KHDRBS2: variants seen among roughly 807,000 people sequenced by gnomAD.
KHDRBS2 encodes KH RNA binding domain containing, signal transduction associated 2.
A neutral mutation model predicts 44.3 loss-of-function variants in KHDRBS2; 26 were observed. The ratio of observed to expected loss-of-function variants is 0.59; its 90% confidence interval spans 0.43 to 0.81. The LOEUF is 0.81. KHDRBS2 is among the 40% of genes least tolerant of loss of function. KHDRBS2 has a pLI of 0.00. For missense variants in KHDRBS2, 476 were observed against 433.1 expected (o/e 1.10, Z -0.88); for synonymous variants, 194 against 151.1 (o/e 1.28, Z -2.08).
At chr6:61,694,191 C>T (rs1204116) in intron 8 of KHDRBS2, among the ~76,000 whole-genome samples, 1 of 152,000 alleles carries the variant, frequency 6.6e-6, no homozygotes, top group South Asian at 2.1e-4. Flanking sequence ...CTCATCAGAA[C>T]ATAAGCTTCA....
intron 6 of KHDRBS2, among the ~76,000 whole-genome samples, chr6:61,745,954 A>C (rs1383684530): frequency 2.6e-5 from 4 of 152,246 alleles, no homozygotes; most frequent in African/African-American, 9.6e-5. Flanking sequence ...CGTGTCTTAC[A>C]TTTCTTTAGA....
At chr6:62,133,705 A>G (rs209006) in intron 2 of KHDRBS2, among the ~76,000 whole-genome samples, 122,297 of 152,136 alleles carry the variant, frequency 0.8, 49,710 homozygotes, top group African/African-American at 0.92. Flanking sequence ...AAATGGCTTT[A>G]ACCAAAATGT....
At chr6:62,099,196 G>A (rs938943651) in intron 2 of KHDRBS2, among the ~76,000 whole-genome samples, 2 of 152,068 alleles carry the variant, frequency 1.3e-5, no homozygotes, top group African/African-American at 4.8e-5. Context: ...TGTTCTTAAT[G>A]CTTATGAGTA....
intron 6 of KHDRBS2, among the ~76,000 whole-genome samples, chr6:61,787,152 G>T (rs1022816990): frequency 7.0e-6 from 1 of 142,686 alleles, no homozygotes; most frequent in Non-Finnish European, 1.5e-5. Flanking sequence ...AATGTCCAAT[G>T]ATTTATTTTA....
chr6:62,097,139 T>G (rs1562849022), intron 2 of KHDRBS2, among the ~76,000 whole-genome samples: 2 of 151,902 alleles, frequency 1.3e-5, no homozygotes, highest in Non-Finnish European at 2.9e-5. Context: ...ACTTACTTTA[T>G]GGTTTTCCAT....
At chr6:61,574,341 G>A in the KHDRBS2 span, 2 of 1,528,728 alleles carry the variant, frequency 1.3e-6, no homozygotes, top group East Asian at 2.5e-5. Flanking sequence ...GCTCGACGAG[G>A]TTTCAGCTGT....
chr6:61,562,025 A>G, the KHDRBS2 span, among the ~76,000 whole-genome samples: 1 of 152,208 alleles, frequency 6.6e-6, no homozygotes, highest in African/African-American at 2.4e-5. Flanking sequence ...TGGCCAAATG[A>G]CCATGTTTAA....
At chr6:62,060,373 C>A (rs1371261808) in intron 2 of KHDRBS2, among the ~76,000 whole-genome samples, 2 of 151,528 alleles carry the variant, frequency 1.3e-5, no homozygotes, top group Admixed American at 6.6e-5. Flanking sequence ...ACTCTGACTG[C>A]AGTTTGAGGA....
the KHDRBS2 span, among the ~76,000 whole-genome samples, chr6:61,598,403 A>C: frequency 2.6e-5 from 4 of 152,204 alleles, no homozygotes; most frequent in African/African-American, 9.6e-5. Context: ...GGAAAGTTTT[A>C]TTAGCCAAAT....
chr6:62,280,315 C>T (rs759028572), intron 1 of KHDRBS2, among the ~76,000 whole-genome samples: 14 of 152,014 alleles, frequency 9.2e-5, no homozygotes, highest in Middle Eastern at 3.4e-3. Flanking sequence ...ACTGTGACAG[C>T]ATTGTGTGTG....
At chr6:61,813,622 G>C (rs1788461485) in intron 6 of KHDRBS2, among the ~76,000 whole-genome samples, 1 of 152,102 alleles carries the variant, frequency 6.6e-6, no homozygotes, top group African/African-American at 2.4e-5. Context: ...GTCATTACTT[G>C]GTATAGTTCT....
At chr6:62,173,458 C>G (rs1438590313) in intron 2 of KHDRBS2, among the ~76,000 whole-genome samples, 1 of 151,818 alleles carries the variant, frequency 6.6e-6, no homozygotes, top group South Asian at 2.1e-4. Context: ...GACTACCAAC[C>G]AGAAAAAGCC....
chr6:62,041,069 A>T (rs1247961343), intron 3 of KHDRBS2, among the ~76,000 whole-genome samples: 7 of 152,234 alleles, frequency 4.6e-5, no homozygotes, highest in Middle Eastern at 3.4e-3. Context: ...GGTGGCTCAC[A>T]CTTGTAATCC....
chr6:61,849,493 A>T (rs1220191381), intron 6 of KHDRBS2, among the ~76,000 whole-genome samples: 3 of 152,154 alleles, frequency 2.0e-5, no homozygotes, highest in Non-Finnish European at 1.5e-5. Context: ...ACATAACTTA[A>T]GTCCTATTCC....
At chr6:61,857,876 T>C (rs752193881) in intron 6 of KHDRBS2, among the ~76,000 whole-genome samples, 2 of 152,028 alleles carry the variant, frequency 1.3e-5, no homozygotes, top group Non-Finnish European at 2.9e-5. Context: ...TTAAGTGATA[T>C]GTATGACTTT....
chr6:62,103,348 G>A (rs78519530), intron 2 of KHDRBS2, among the ~76,000 whole-genome samples: 11,376 of 152,262 alleles, frequency 0.075, 458 homozygotes, highest in African/African-American at 0.086. Flanking sequence ...TGTCGCTCAT[G>A]CTAATCAGCA....
intron 6 of KHDRBS2, among the ~76,000 whole-genome samples, chr6:61,771,932 G>A (rs1159392795): frequency 1.3e-5 from 2 of 151,966 alleles, no homozygotes; most frequent in Non-Finnish European, 2.9e-5. Context: ...ACCACATAGT[G>A]GGAAGTAAAG....
At chr6:61,635,249 G>A in the KHDRBS2 span, among the ~76,000 whole-genome samples, 1 of 151,950 alleles carries the variant, frequency 6.6e-6, no homozygotes, top group Non-Finnish European at 1.5e-5. Context: ...AGAATAGAAG[G>A]TCTCTATGAT....
chr6:61,762,607 T>C (rs1779440053), intron 6 of KHDRBS2, among the ~76,000 whole-genome samples: 1 of 152,222 alleles, frequency 6.6e-6, no homozygotes. Context: ...CTCTACACCT[T>C]GTACCGTGAT....
Sources: allele counts gnomAD v4.1 joint callset (sites outside exome capture counted in the v4.1 genomes callset), GRCh38; gene constraint gnomAD v4.1.1; transcripts MANE v1.5; gene names NCBI Gene and HGNC (gene_info 2026-07-23, HGNC 2026-07-21).